Variants in DAB2 observed in about 807,000 individuals in gnomAD.
DAB2 encodes the protein DAB adaptor protein 2.
A neutral mutation model predicts 71.6 loss-of-function variants in DAB2; 28 were observed. The observed-to-expected ratio is 0.39, with a 90% CI of 0.29 to 0.54. DAB2 has a LOEUF of 0.54. Ranked by LOEUF, DAB2 falls within the 20% of genes least tolerant of loss-of-function variation. The pLI is 0.68. For synonymous variants in DAB2, 345 were observed against 339.7 expected, an observed-to-expected ratio of 1.02 and a Z score of -0.17; for missense variants, 867 against 928.8, an observed-to-expected ratio of 0.93 and a Z score of 0.86.
rs118131202 is a variant in DAB2 at position 39,400,165 on chromosome 5, C to A, written c.-101-5744G>T. On this transcript the variant is annotated intron_variant, in intron 1 of 14. Coordinates refer to ENST00000320816, the MANE Select transcript of DAB2 (RefSeq NM_001343.4). ...ATTTTTAACATTAAGGGGAATGGGACAAACACCTAGTATACCAACCACTAA... is the reference window on the plus strand; with the variant it reads ...ATTTTTAACATTAAGGGGAATGGGAAAAACACCTAGTATACCAACCACTAA... 2.9e-3 allele frequency among the ~76,000 whole-genome samples: 434 copies of A among 151,682 alleles called. 13 individuals carry two copies. The East Asian group carries it at 0.058, about 20-fold the overall frequency.
chr5:39,391,965 CAAAA>C (rs10708821), intron 4 of DAB2, among the ~76,000 whole-genome samples: 118 of 141,476 alleles, frequency 8.3e-4, no homozygotes, highest in Non-Finnish European at 1.2e-3. Flanking sequence ...TACCCGAGGT[CAAAA>C]AAAAAAAAAA....
intron 11 of DAB2, among the ~76,000 whole-genome samples, chr5:39,378,060 A>G (rs1754873628): frequency 6.6e-6 from 1 of 152,246 alleles, no homozygotes; most frequent in African/African-American, 2.4e-5. Context: ...CAGAGAATTT[A>G]AAAGAGGAGA....
intron 1 of DAB2, chr5:39,424,002 T>G (rs377118866): frequency 6.6e-5 from 10 of 152,200 alleles, no homozygotes; most frequent in African/African-American, 2.4e-4. Flanking sequence ...CTCAGCTCCC[T>G]GCTGAAACTG....
intron 9 of DAB2, among the ~76,000 whole-genome samples, chr5:39,384,600 TTC>T (rs1488043428): frequency 6.6e-6 from 1 of 152,184 alleles, no homozygotes; most frequent in Non-Finnish European, 1.5e-5. Context: ...TCTCTATCAT[TTC>T]TCTGGTGTGT....
intron 1 of DAB2, among the ~76,000 whole-genome samples, chr5:39,403,428 T>C (rs1397690090): frequency 2.0e-5 from 3 of 152,172 alleles, no homozygotes; most frequent in Admixed American, 2.0e-4. Context: ...ATTTAGCAGA[T>C]ATACCAAGCA....
At chr5:39,388,185 T>C (rs1439179071) in intron 9 of DAB2, 120 bp downstream of exon 9, 1 of 726,472 alleles carries the variant, frequency 1.4e-6, no homozygotes, top group Admixed American at 2.4e-5. Flanking sequence ...TGACACTTCA[T>C]TTGCAAAAAT....
chr5:39,392,329 G>T, intron 4 of DAB2, 36 bp downstream of exon 4: 1 of 1,504,112 alleles, frequency 6.6e-7, no homozygotes, highest in Non-Finnish European at 9.3e-7. Flanking sequence ...TCAGACTCAG[G>T]TGGTCAGAGA....
intron 1 of DAB2, among the ~76,000 whole-genome samples, chr5:39,407,072 C>G (rs970785117): frequency 6.6e-6 from 1 of 152,202 alleles, no homozygotes; most frequent in Non-Finnish European, 1.5e-5. Context: ...TCACACCATT[C>G]ATAGCTTTTA....
intron 11 of DAB2, among the ~76,000 whole-genome samples, chr5:39,380,728 A>G (rs965553675): frequency 6.6e-6 from 1 of 152,232 alleles, no homozygotes; most frequent in Non-Finnish European, 1.5e-5. Context: ...TGACACATTT[A>G]GGAATTAAGA....
At chr5:39,401,630 C>A (rs1456514160) in intron 1 of DAB2, among the ~76,000 whole-genome samples, 1 of 152,162 alleles carries the variant, frequency 6.6e-6, no homozygotes, top group African/African-American at 2.4e-5. Flanking sequence ...TCAGTAAGAA[C>A]TTACATAGCG....
rs1754859773 is a variant in DAB2 at position 39,377,396 on chromosome 5, C to CCCTGAGGCTGATATGGGAA, written c.1505-133_1505-115dup. Reference sequence around the variant, plus strand: ...CTCCACAGCTAACACCTCCATTGAGCCCTGAGGCTGATATGGGAAGAATAT... The same window carrying CCCTGAGGCTGATATGGGAA: ...CTCCACAGCTAACACCTCCATTGAGCCCTGAGGCTGATATGGGAACCTGAGGCTGATATGGGAAGAATAT... On this transcript the variant is annotated intron_variant, in intron 11 of 14. Coordinates refer to ENST00000320816, the MANE Select transcript of DAB2 (RefSeq NM_001343.4). The CCCTGAGGCTGATATGGGAA allele has an allele frequency of 2.8e-6, 3 of 1,067,114 alleles. No individual in the cohort carries two copies. In the East Asian group the frequency reaches 7.1e-5, roughly 25 times the overall value. 66.1% of individuals were successfully genotyped at this position (1,067,114 alleles called of 1,614,324 possible).
intron 1 of DAB2, among the ~76,000 whole-genome samples, 164 bp downstream of exon 1, chr5:39,424,640 C>T (rs1427122780): frequency 2.6e-5 from 4 of 151,132 alleles, no homozygotes; most frequent in Non-Finnish European, 4.4e-5. Flanking sequence ...CTGCTGGTTT[C>T]CCCAAGCACA....
chr5:39,411,649 C>A (rs370925495), intron 1 of DAB2, among the ~76,000 whole-genome samples: 2 of 152,132 alleles, frequency 1.3e-5, no homozygotes, highest in African/African-American at 4.8e-5. Context: ...CTTAGCTGAA[C>A]GCTATAGCCC....
rs1002787988 is a variant in DAB2 at position 39,390,452 on chromosome 5, C to T, written c.454G>A (p.Gly152Arg). The T allele has an allele frequency of 3.1e-5, 50 of 1,613,866 alleles. No homozygotes were observed. Among genetic ancestry groups the T allele is most frequent in the Non-Finnish European group, 3.9e-5 (46 of 1,179,944 alleles). Residue 152 changes from glycine to arginine, a missense_variant, in exon 5 of 15, where the codon GGG becomes AGG. Around this residue, in one of 2 missense-constraint regions of DAB2, gnomAD observed 127 missense variants for 194.4 expected, o/e 0.65. Transcript: ENST00000320816. ...CAAGACTTAGAGCTCACCTGTTGCC[C>T]GGTTTTTATGGCAAAAAACTGATGC... ...GQHQFFAIKT[G>R]QQAEPLVVDL... is the part of the protein sequence containing the mutation.
intron 1 of DAB2, among the ~76,000 whole-genome samples, chr5:39,395,840 C>A (rs549307701): frequency 6.6e-6 from 1 of 151,116 alleles, no homozygotes; most frequent in East Asian, 2.0e-4. Flanking sequence ...GCACTATTAA[C>A]CTTTTAATTG....
At chr5:39,417,792 T>C in intron 1 of DAB2, among the ~76,000 whole-genome samples, 1 of 152,072 alleles carries the variant, frequency 6.6e-6, no homozygotes, top group South Asian at 2.1e-4. Context: ...AAAGAACAGG[T>C]TTTCAGGCAG....
At chr5:39,412,333 C>A (rs976212161) in intron 1 of DAB2, among the ~76,000 whole-genome samples, 1 of 152,008 alleles carries the variant, frequency 6.6e-6, no homozygotes, top group African/African-American at 2.4e-5. Flanking sequence ...GTGATTGATC[C>A]CAACTTAAAG....
intron 8 of DAB2, among the ~76,000 whole-genome samples, 177 bp from the exon 9 acceptor site, chr5:39,388,544 A>T (rs1755150381): frequency 6.6e-6 from 1 of 152,246 alleles, no homozygotes; most frequent in South Asian, 2.1e-4. Flanking sequence ...GTCTCAAAGC[A>T]AATCTATCTT....
At chr5:39,407,282 C>T (rs370430681) in intron 1 of DAB2, among the ~76,000 whole-genome samples, 2 of 152,172 alleles carry the variant, frequency 1.3e-5, no homozygotes, top group Non-Finnish European at 2.9e-5. Context: ...TGCAGAGGCG[C>T]GATCTCAGCT....
Sources: gnomAD v4.1 joint callset for allele counts (sites outside exome capture counted in the v4.1 genomes callset) on GRCh38, gnomAD v4.1.1 for gene constraint, gnomAD v4.1.1 regional missense constraint, MANE v1.5 for transcripts, NCBI Gene and HGNC (gene_info 2026-07-23, HGNC 2026-07-21) for gene names.